Variants in LPCAT4 observed in about 807,000 individuals in gnomAD.
The protein encoded by LPCAT4 is lysophospholipid acyltransferase LPCAT4.
A neutral mutation model predicts 66.5 loss-of-function variants in LPCAT4; 30 were observed. That is an observed-to-expected ratio of 0.45 (90% CI 0.34 to 0.61). The LOEUF is 0.61. LPCAT4 is among the 20% of genes least tolerant of loss of function. The probability of loss-of-function intolerance (pLI) is 0.01; values close to 1 mark genes in which losing one functional copy is unlikely to be tolerated. For synonymous variants in LPCAT4, 253 were observed against 262.1 expected, an observed-to-expected ratio of 0.97 and a Z score of 0.34; for missense variants, 557 against 656.7, an observed-to-expected ratio of 0.85 and a Z score of 1.66.
rs1595622876 is a variant in LPCAT4 at position 34,365,721 on chromosome 15, A to G, written c.115-20T>C. Reference sequence around the variant, plus strand: ...GCAGAACTGCAAAGGGTGGGAGAGAATGCCACTTTAGAGCTTGGATATGCT... The same window carrying G: ...GCAGAACTGCAAAGGGTGGGAGAGAGTGCCACTTTAGAGCTTGGATATGCT... On this transcript the variant is annotated intron_variant, in intron 1 of 13. Coordinates refer to ENST00000314891, the MANE Select transcript of LPCAT4 (RefSeq NM_153613.3). 1.9e-6 allele frequency: 3 copies of G among 1,612,568 alleles called. No homozygotes were observed. Among genetic ancestry groups the G allele is most frequent in the Non-Finnish European group, 2.5e-6 (3 of 1,179,616 alleles).
chr15:34,364,095 T>A (rs780484119), intron 4 of LPCAT4, 22 bp from the exon 5 acceptor site: 2 of 1,610,568 alleles, frequency 1.2e-6, no homozygotes, highest in South Asian at 2.2e-5. Flanking sequence ...AAGAGCAGAA[T>A]GAGGTGAAGA....
At chr15:34,359,849 G>C in intron 12 of LPCAT4, 104 bp from the exon 13 acceptor site, 1 of 1,251,550 alleles carries the variant, frequency 8.0e-7, no homozygotes, top group African/African-American at 1.5e-5. Flanking sequence ...AAAGGGTGGT[G>C]CACAAGCCTT....
rs187978560 is a variant in LPCAT4 at position 34,360,096 on chromosome 15, G to A, written c.1242+15C>T. 6.4e-6 allele frequency: 10 copies of A among 1,562,090 alleles called. No homozygotes were observed. The highest frequency in any genetic ancestry group is 2.8e-5 in the African/African-American group (2 of 71,700). ...TAGCCACTAAGCACCCCCCACCACC[G>A]CCACCCCCCATTACCTCAAAGGCCA... On this transcript the variant is annotated intron_variant, in intron 12 of 13. Transcript: ENST00000314891.
intron 3 of LPCAT4, chr15:34,364,508 CCA>C (rs1891027135): frequency 2.1e-6 from 1 of 467,408 alleles, no homozygotes; most frequent in Middle Eastern, 5.7e-4. Context: ...ACCGCAAACT[CCA>C]CCTCCTGGGT....
rs1444049495 is a variant in LPCAT4, at chr15:34,363,643, T to C, written c.711+18A>G. The C allele has an allele frequency of 1.9e-6, 3 of 1,614,068 alleles. No homozygotes were observed. The highest frequency in any genetic ancestry group is 2.2e-5 in the South Asian group (2 of 91,082). Reference sequence around the variant, plus strand: ...ATTTGTGCTCCCCCTTTCCACTCTTTCTTGGACTAAGACTCACCAGACTGT... The same window carrying C: ...ATTTGTGCTCCCCCTTTCCACTCTTCCTTGGACTAAGACTCACCAGACTGT... On this transcript the variant is annotated intron_variant, in intron 6 of 13. Coordinates refer to ENST00000314891, the MANE Select transcript of LPCAT4 (RefSeq NM_153613.3). The surrounding 1 kb of genome is among the most constrained non-coding windows in gnomAD (Gnocchi z 4.3).
chr15:34,360,130 A>G lies in LPCAT4; in HGVS notation c.1223T>C (p.Leu408Pro). 6.2e-7 allele frequency: 1 copy of G among 1,609,450 alleles called. No individual in the cohort carries two copies. The highest frequency in any genetic ancestry group is 8.5e-7 in the Non-Finnish European group (1 of 1,177,766). ...CATTACCTCAAAGGCCAGACGAGTTAGCTCTTCCAGGCTCCTGCCCCCATC... is the reference window on the plus strand; with the variant it reads ...CATTACCTCAAAGGCCAGACGAGTTGGCTCTTCCAGGCTCCTGCCCCCATC... Reference protein sequence around the residue: ...ALDGGRSLEELTRLAFELFAE... With the variant: ...ALDGGRSLEEPTRLAFELFAE... Residue 408 changes from leucine (L) to proline (P), a missense_variant, in exon 12 of 14, where the codon CTA (leucine) becomes CCA (proline). By Grantham distance (98) the Leu-to-Pro change is moderately conservative. Transcript: ENST00000314891.
chr15:34,364,336 C>A, intron 3 of LPCAT4, 30 bp from the exon 4 acceptor site: 1 of 1,410,976 alleles, frequency 7.1e-7, no homozygotes, highest in South Asian at 1.2e-5. Flanking sequence ...AAAGAGGAAT[C>A]ACTTCTTTCC....
intron 11 of LPCAT4, among the ~76,000 whole-genome samples, chr15:34,360,622 C>T (rs1890919684): frequency 6.6e-6 from 1 of 152,184 alleles, no homozygotes; most frequent in African/African-American, 2.4e-5. Flanking sequence ...ATGAAAAACA[C>T]AAGGAGGATG....
At chr15:34,366,781 T>C (rs1015007891) in intron 1 of LPCAT4, 10 of 614,872 alleles carry the variant, frequency 1.6e-5, no homozygotes, top group Middle Eastern at 4.1e-4. Context: ...TCTTCGAGCT[T>C]GTCTATCGCC....
In LPCAT4 at chr15:34,364,514, C is replaced by G. The variant is rs1230106899; in HGVS notation, c.479-208G>C. ...TCTCAGCTCACCGCAAACTCCACCT[C>G]CTGGGTTCAAGTGATTCTCCTGCCT... On this transcript the variant is annotated intron_variant, in intron 3 of 13. Coordinates refer to ENST00000314891, the MANE Select transcript of LPCAT4 (RefSeq NM_153613.3). 6.6e-6 allele frequency: 3 copies of G among 454,468 alleles called. No individual in the cohort carries two copies. In the South Asian group the frequency reaches 9.0e-5, roughly 14 times the overall value. The allele number at this position is 454,468 out of a possible 1,614,324, so 28.2% of individuals were successfully genotyped here.
intron 2 of LPCAT4, 69 bp from the exon 3 acceptor site, chr15:34,365,297 A>G (rs1891051465): frequency 1.4e-6 from 2 of 1,480,162 alleles, no homozygotes; most frequent in South Asian, 2.4e-5. Context: ...AGGTTCAGAC[A>G]CCGGGAAAGT....
rs1199493492 is a variant in LPCAT4, at chr15:34,365,712, T to C, written c.115-11A>G. The stretch of plus-strand genomic sequence containing the variant: ...CCCCAGGAGGCAGAACTGCAAAGGG[T>C]GGGAGAGAATGCCACTTTAGAGCTT... On this transcript the variant is annotated splice_polypyrimidine_tract_variant and intron_variant, in intron 1 of 13. Transcript: ENST00000314891. 6.2e-7 allele frequency: 1 copy of C among 1,612,766 alleles called. No homozygotes were observed. Among genetic ancestry groups the C allele is most frequent in the Admixed American group, 1.7e-5 (1 of 59,976 alleles).
Position 34,362,260 on chromosome 15 carries a change from C to T in LPCAT4, c.946G>A (p.Gly316Ser). 6.2e-7 allele frequency: 1 copy of T among 1,614,072 alleles called. No individual in the cohort carries two copies. Among genetic ancestry groups the T allele is most frequent in the South Asian group, 1.1e-5 (1 of 91,072 alleles). The change falls in exon 10 of 14, where the codon GGC (glycine) becomes AGC (serine). Residue 316 changes from glycine to serine, a missense_variant. Gly to Ser is a moderately conservative substitution (Grantham distance 56). Coordinates refer to ENST00000314891, the MANE Select transcript of LPCAT4 (RefSeq NM_153613.3). ...FVGSLPVIVVGRLKVALEPQL... is the reference protein window; with the variant it reads ...FVGSLPVIVVSRLKVALEPQL... ...GGTTCCAACGCCACCTTCAGCCGGC[C>T]CACCACAATCACAGGTAAGCTCCCT...
At chr15:34,361,914 G>A (rs1890954608) in intron 10 of LPCAT4, among the ~76,000 whole-genome samples, 1 of 152,096 alleles carries the variant, frequency 6.6e-6, no homozygotes, top group Non-Finnish European at 1.5e-5. Context: ...GGTCAGGCTG[G>A]TCTTGAACTC....
chr15:34,366,257 T>G (rs1225253489), intron 1 of LPCAT4, among the ~76,000 whole-genome samples: 1 of 152,084 alleles, frequency 6.6e-6, no homozygotes, highest in African/African-American at 2.4e-5. Context: ...TCGGCCCCAC[T>G]CTGCAAGGGA....
intron 10 of LPCAT4, 86 bp downstream of exon 10, chr15:34,362,109 CT>C (rs1595619265): frequency 6.8e-7 from 1 of 1,462,126 alleles, no homozygotes; most frequent in East Asian, 2.4e-5. Flanking sequence ...TAAGATTTTC[CT>C]TCTTCCTTCT....
At chr15:34,365,287 A>T (rs1228520277) in intron 2 of LPCAT4, 59 bp from the exon 3 acceptor site, 1 of 1,508,806 alleles carries the variant, frequency 6.6e-7, no homozygotes, top group African/African-American at 1.4e-5. Context: ...ACCCGCCCCC[A>T]GGTTCAGACA....
At chr15:34,362,100 A>G in intron 10 of LPCAT4, 96 bp downstream of exon 10, 4 of 1,480,048 alleles carry the variant, frequency 2.7e-6, no homozygotes, top group Non-Finnish European at 3.7e-6. Flanking sequence ...TTTCATTTTT[A>G]AGATTTTCCT....
Position 34,360,224 on chromosome 15 carries a change from A to T in LPCAT4, c.1144-15T>A, listed in dbSNP as rs1372828654. 1 of 1,608,892 alleles carries T rather than the reference A, an allele frequency of 6.2e-7. No individual in the cohort carries two copies. Among genetic ancestry groups the T allele is most frequent in the Non-Finnish European group, 8.5e-7 (1 of 1,175,366 alleles). On this transcript the variant is annotated splice_polypyrimidine_tract_variant and intron_variant, in intron 11 of 13. Transcript: ENST00000314891. ...CCCTTGGTATCCTGGTGTGAAAAAGAAACCAGGGCAATGCGGGGACCCTGC... is the reference window on the plus strand; with the variant it reads ...CCCTTGGTATCCTGGTGTGAAAAAGTAACCAGGGCAATGCGGGGACCCTGC...
Sources: gnomAD v4.1 joint callset for allele counts (sites outside exome capture counted in the v4.1 genomes callset) on GRCh38, gnomAD v4.1.1 for gene constraint, Gnocchi (gnomAD v3.1) non-coding constraint, MANE v1.5 for transcripts, NCBI Gene and HGNC (gene_info 2026-07-23, HGNC 2026-07-21) for gene names.